The following KALRN variants were observed in gnomAD, a reference collection of about 807,000 sequenced individuals.
KALRN encodes the protein kalirin RhoGEF kinase.
Under a neutral mutation model 353.7 loss-of-function variants are expected in KALRN, and 70 were observed. The ratio of observed to expected loss-of-function variants is 0.20; its 90% CI spans 0.16 to 0.24. The LOEUF is 0.24. Among genes scored for constraint, KALRN ranks in the 10% least tolerant of loss-of-function variants. KALRN has a pLI of 1.00. For missense variants in KALRN, 2,791 were observed against 3,756.7 expected, an observed-to-expected ratio of 0.74 and a Z score of 6.72; for synonymous variants, 1,391 against 1,434.8, an observed-to-expected ratio of 0.97 and a Z score of 0.69.
chr3:124,501,304 G>A (rs2064500004), intron 33 of KALRN, among the ~76,000 whole-genome samples: 1 of 152,186 alleles, frequency 6.6e-6, no homozygotes, highest in Non-Finnish European at 1.5e-5. Context: ...AAGCTAATGT[G>A]AGCTGAGGTG....
At chr3:124,593,722 G>C (rs2149383294) in intron 34 of KALRN, among the ~76,000 whole-genome samples, 1 of 152,294 alleles carries the variant, frequency 6.6e-6, no homozygotes. Context: ...GGGTGTCAGG[G>C]AATAGGAATT....
At chr3:124,227,909 T>C in intron 1 of KALRN, 81 bp from the exon 2 acceptor site, 2 of 1,097,412 alleles carry the variant, frequency 1.8e-6, no homozygotes. Flanking sequence ...GATGATGGGA[T>C]TGGGAGACTG....
At chr3:124,173,718 C>G (rs560166170) in intron 1 of KALRN, among the ~76,000 whole-genome samples, 1 of 152,108 alleles carries the variant, frequency 6.6e-6, no homozygotes, top group Non-Finnish European at 1.5e-5. Context: ...CTGGTTCAAG[C>G]GATTCTTCTG....
intron 1 of KALRN, among the ~76,000 whole-genome samples, chr3:124,200,740 G>C (rs1475727870): frequency 2.0e-5 from 3 of 152,132 alleles, no homozygotes; most frequent in Non-Finnish European, 4.4e-5. Context: ...TCTAAGTCTG[G>C]GGTATATTTT....
intron 51 of KALRN, among the ~76,000 whole-genome samples, chr3:124,688,074 G>A (rs185131598): frequency 1.3e-5 from 2 of 152,214 alleles, no homozygotes; most frequent in East Asian, 3.9e-4. Context: ...ACATTGGGCG[G>A]GCACAGGTGG....
chr3:124,609,250 T>G (rs1330389313), intron 34 of KALRN, among the ~76,000 whole-genome samples: 1 of 152,192 alleles, frequency 6.6e-6, no homozygotes, highest in African/African-American at 2.4e-5. Context: ...AATCCTGACT[T>G]TTTAAACTAA....
At chr3:124,663,768 AC>A (rs2085200289) in intron 45 of KALRN, among the ~76,000 whole-genome samples, 1 of 152,166 alleles carries the variant, frequency 6.6e-6, no homozygotes, top group Non-Finnish European at 1.5e-5. Flanking sequence ...TTCTGGCTAA[AC>A]TAGAATGAAA....
chr3:124,044,808 A>C (rs2040284508), intron 1 of KALRN, among the ~76,000 whole-genome samples: 1 of 151,476 alleles, frequency 6.6e-6, no homozygotes, highest in Non-Finnish European at 1.5e-5. Flanking sequence ...AAAATCATGA[A>C]CACTGATTCC....
intron 1 of KALRN, among the ~76,000 whole-genome samples, chr3:124,141,788 C>G (rs1243875721): frequency 1.3e-5 from 2 of 152,152 alleles, no homozygotes; most frequent in Admixed American, 6.5e-5. Flanking sequence ...GGCTATTTTT[C>G]AGCCTGTCAG....
chr3:124,239,609 T>C (rs2080200227), intron 3 of KALRN, among the ~76,000 whole-genome samples: 2 of 152,242 alleles, frequency 1.3e-5, no homozygotes, highest in African/African-American at 4.8e-5. Flanking sequence ...TTTGATAACA[T>C]TTGCTCTTGT....
intron 6 of KALRN, among the ~76,000 whole-genome samples, chr3:124,312,257 T>C (rs1414327501): frequency 6.6e-6 from 1 of 152,040 alleles, no homozygotes; most frequent in African/African-American, 2.4e-5. Flanking sequence ...GCCTCCCGGG[T>C]TCAAGTGATT....
chr3:124,245,672 CATT>C (rs994381741), intron 3 of KALRN, among the ~76,000 whole-genome samples: 26 of 147,032 alleles, frequency 1.8e-4, no homozygotes, highest in Admixed American at 4.7e-4. Flanking sequence ...TTTTTTTTGT[CATT>C]GTTGTTGTTT....
chr3:124,259,757 A>G (rs1227483148), intron 3 of KALRN, among the ~76,000 whole-genome samples: 2 of 152,228 alleles, frequency 1.3e-5, no homozygotes, highest in Non-Finnish European at 2.9e-5. Flanking sequence ...ATGGACAGTA[A>G]ATAAGTAAAA....
intron 34 of KALRN, among the ~76,000 whole-genome samples, chr3:124,576,084 T>C (rs1342414246): frequency 6.6e-6 from 1 of 151,570 alleles, no homozygotes; most frequent in Non-Finnish European, 1.5e-5. Context: ...ATACCCCAGA[T>C]CCTCAGAGAC....
At chr3:124,254,159 A>G (rs533531916) in intron 3 of KALRN, among the ~76,000 whole-genome samples, 3 of 152,160 alleles carry the variant, frequency 2.0e-5, no homozygotes, top group Non-Finnish European at 4.4e-5. Context: ...CCTCCAAGCC[A>G]GATTATTTGA....
chr3:124,170,084 T>C (rs2071516796), intron 1 of KALRN, among the ~76,000 whole-genome samples: 2 of 152,184 alleles, frequency 1.3e-5, no homozygotes, highest in African/African-American at 4.8e-5. Context: ...TAGCTATAGA[T>C]GTACTTGGGA....
At chr3:124,439,404 C>T (rs2093602574) in intron 18 of KALRN, among the ~76,000 whole-genome samples, 1 of 152,166 alleles carries the variant, frequency 6.6e-6, no homozygotes. Context: ...GATCAGGATA[C>T]ACTGTTACTA....
At chr3:124,251,839 T>C (rs1251551684) in intron 3 of KALRN, among the ~76,000 whole-genome samples, 2 of 152,212 alleles carry the variant, frequency 1.3e-5, no homozygotes, top group African/African-American at 4.8e-5. Context: ...GTCTGTGCTA[T>C]TGAATACTTT....
intron 5 of KALRN, among the ~76,000 whole-genome samples, chr3:124,287,722 C>A (rs1486235594): frequency 8.6e-6 from 1 of 115,626 alleles, no homozygotes; most frequent in Non-Finnish European, 1.8e-5. Flanking sequence ...ATTGAGGTTA[C>A]CTGGAGAGCT....
Sources: allele counts gnomAD v4.1 joint callset (sites outside exome capture counted in the v4.1 genomes callset), GRCh38; gene constraint gnomAD v4.1.1; transcripts MANE v1.5; gene names NCBI Gene and HGNC (gene_info 2026-07-23, HGNC 2026-07-21).